MUC17: variants seen among roughly 807,000 people sequenced by gnomAD.
MUC17 encodes the protein mucin-17.
MUC17 carries 190 observed loss-of-function variants against 170.3 expected under a neutral mutation model. The observed-to-expected ratio is 1.12, with a 90% confidence interval of 0.99 to 1.26. The LOEUF (loss-of-function observed/expected upper bound fraction) is 1.26. MUC17 is among the 50% of genes most tolerant of loss of function. The probability of loss-of-function intolerance (pLI) is 0.00; values close to 1 mark genes in which losing one functional copy is unlikely to be tolerated. For missense variants in MUC17, 6,415 were observed against 5,530.0 expected (o/e 1.16, Z -5.08); for synonymous variants, 2,325 against 2,002.5 (o/e 1.16, Z -4.30).
intron 9 of MUC17, among the ~76,000 whole-genome samples, 162 bp from the exon 10 acceptor site, chr7:101,052,824 G>A (rs1794973231): frequency 6.6e-6 from 1 of 152,172 alleles, no homozygotes; most frequent in South Asian, 2.1e-4. Flanking sequence ...CAGGGATGCT[G>A]GTCTTCATCT....
intron 3 of MUC17, 103 bp downstream of exon 3, chr7:101,043,922 T>C (rs1794788219): frequency 6.2e-6 from 7 of 1,133,666 alleles, no homozygotes; most frequent in Middle Eastern, 4.1e-4. Context: ...ACGTGTGCCA[T>C]GTTGGTTTGC....
In MUC17 at chr7:101,033,517, G is replaced by T. The variant is rs572058292; in HGVS notation, c.2101G>T (p.Ala701Ser). Residue 701 changes from alanine (A) to serine (S), a missense_variant, in exon 3 of 13, where the codon GCC becomes TCC. Ala to Ser is a moderately conservative substitution (Grantham distance 99). Transcript: ENST00000306151. ...TSMPVNTTLV[A>S]SSEASTLSTT... ...TATGCCTGTCAACACCACACTGGTG[G>T]CCAGTTCTGAGGCTAGCACCCTTTC... 6.1e-5 allele frequency: 98 copies of T among 1,613,376 alleles called. No individual in the cohort carries two copies. In the South Asian group the frequency reaches 9.7e-4, roughly 16 times the overall value.
In MUC17 at chr7:101,043,505, C is replaced by A. The variant is rs558940244; in HGVS notation, c.12089C>A (p.Ala4030Glu). 16 of 1,614,220 alleles carry A rather than the reference C, an allele frequency of 9.9e-6. No homozygotes were observed. In the South Asian group the frequency reaches 1.5e-4, roughly 16 times the overall value. Residue 4030 changes from alanine (A) to glutamate (E), a missense_variant, in exon 3 of 13, where the codon GCA (alanine) becomes GAA (glutamate). Transcript: ENST00000306151. ...GCTTSASTLS[A>E]TSTPHTSTSV... ...ACTACTTCTGCATCAACGCTTTCTG[C>A]AACCAGTACACCTCACACCTCTACT...
In MUC17 at chr7:101,043,715, C is replaced by T; in HGVS notation, c.12299C>T (p.Thr4100Ile). The T allele has an allele frequency of 1.2e-6, 2 of 1,614,228 alleles. No individual in the cohort carries two copies. Among genetic ancestry groups the T allele is most frequent in the South Asian group, 1.1e-5 (1 of 91,084 alleles). ...TTMTTRTKPS[T>I]RTTSFPTVTT... ...ATGACCACCAGGACAAAACCCAGCA[C>T]ACGGACCACTTCCTTCCCCACGGTG... Residue 4100 changes from threonine (T) to isoleucine (I), a missense_variant, in exon 3 of 13, where the codon ACA (threonine) becomes ATA (isoleucine). Physicochemically the swap from Thr to Ile is moderately conservative, Grantham distance 89. Coordinates refer to ENST00000306151, the MANE Select transcript of MUC17 (RefSeq NM_001040105.2).
rs199804999 is a variant in MUC17 at position 101,038,820 on chromosome 7, G to C, written c.7404G>C (p.Val2468=). The change falls in exon 3 of 13, where the codon GTG becomes GTC. Residue 2468 remains valine (V), a synonymous_variant. Transcript: ENST00000306151. ...LASMPVSTTP[V]VSSEAGTLST... ...GTATGCCTGTCAGCACCACGCCGGT[G>C]GTCAGTTCTGAGGCTGGCACCCTTT... 1.9e-6 allele frequency: 3 copies of C among 1,612,528 alleles called. No individual in the cohort carries two copies. Among genetic ancestry groups the C allele is most frequent in the Admixed American group, 1.7e-5 (1 of 59,722 alleles).
chr7:101,045,124 C>T (rs921167675), intron 3 of MUC17, among the ~76,000 whole-genome samples: 2 of 152,120 alleles, frequency 1.3e-5, no homozygotes, highest in African/African-American at 4.8e-5. Context: ...TACTAATAGA[C>T]CTGTGAGTAT....
chr7:101,040,597 C>G lies in MUC17; in HGVS notation c.9181C>G (p.Pro3061Ala), dbSNP rs370113176. The G allele has an allele frequency of 2.5e-6, 4 of 1,595,418 alleles. No homozygotes were observed. The South Asian group carries it at 4.5e-5, about 18-fold the overall frequency. Residue 3061 changes from proline (P) to alanine (A), a missense_variant, in exon 3 of 13, where the codon CCT becomes GCT. Physicochemically the swap from Pro to Ala is conservative, Grantham distance 27. Transcript: ENST00000306151. ...IPVSTTPVAI[P>A]EASTLSTTPV... ...TGTCAGCACCACGCCAGTGGCCATT[C>G]CTGAGGCTAGCACCCTTTCAACAAC... is the stretch of plus-strand genomic sequence containing the variant.
At position 101,039,363 on chromosome 7, in the gene MUC17, G is replaced by A; in HGVS notation, c.7947G>A (p.Glu2649=). Residue 2649 remains glutamate (E), a synonymous_variant, in exon 3 of 13, where the codon GAG becomes GAA. Transcript: ENST00000306151. ...GCACCATGCCAGTGGCCAGTTCTGA[G>A]GCTAGCACCCTTTCAACAACTCCTG... is the stretch of plus-strand genomic sequence containing the variant. ...LVSTMPVASS[E]ASTLSTTPVD... is the part of the protein sequence containing the mutation. 1 of 1,612,632 alleles carries A rather than the reference G, an allele frequency of 6.2e-7. No homozygotes were observed. The highest frequency in any genetic ancestry group is 8.5e-7 in the Non-Finnish European group (1 of 1,179,340).
At chr7:101,021,778 C>T (rs188004349) in intron 1 of MUC17, among the ~76,000 whole-genome samples, 1 of 152,270 alleles carries the variant, frequency 6.6e-6, no homozygotes, top group Admixed American at 6.5e-5. Flanking sequence ...GCCTCTGACC[C>T]TTTCCATGTC....
intron 7 of MUC17, among the ~76,000 whole-genome samples, chr7:101,051,364 C>CA (rs398005597): frequency 0.18 from 9,530 of 51,848 alleles, 1,061 homozygotes; most frequent in East Asian, 0.26. Context: ...TACTCCATCT[C>CA]AAAAAAAAAA....
intron 11 of MUC17, among the ~76,000 whole-genome samples, chr7:101,053,762 C>T (rs1584878288): frequency 1.3e-5 from 2 of 151,624 alleles, no homozygotes; most frequent in East Asian, 3.9e-4. Flanking sequence ...TGCCTGTAAT[C>T]CCAGCTACTC....
rs1794480015 is a variant in MUC17, at chr7:101,036,406, A to G, written c.4990A>G (p.Thr1664Ala). ...TGTTGACTCCAACAGTCCTGTGATC[A>G]CTTCTACTGAAGTCAGTTCATCTCC... ...TPVDSNSPVITSTEVSSSPTP... is the reference protein window; with the variant it reads ...TPVDSNSPVIASTEVSSSPTP... The change falls in exon 3 of 13, where the codon ACT becomes GCT. Residue 1664 changes from threonine to alanine, a missense_variant. Transcript: ENST00000306151. 2.5e-6 allele frequency: 4 copies of G among 1,612,142 alleles called. No homozygotes were observed. In the Admixed American group the frequency reaches 5.0e-5, roughly 20 times the overall value.
In MUC17 at chr7:101,040,386, A is replaced by T. The variant is rs1202308093; in HGVS notation, c.8970A>T (p.Thr2990=). The T allele has an allele frequency of 6.2e-7, 1 of 1,611,526 alleles. No individual in the cohort carries two copies. The highest frequency in any genetic ancestry group is 1.7e-5 in the Admixed American group (1 of 59,556). ...STPGERRTPL[T]SMSVSTMPVA... is the part of the protein sequence containing the mutation. ...CTGGCGAAAGAAGAACTCCATTAACAAGTATGTCTGTCAGCACCATGCCGG... is the reference window on the plus strand; with the variant it reads ...CTGGCGAAAGAAGAACTCCATTAACTAGTATGTCTGTCAGCACCATGCCGG... The change falls in exon 3 of 13, where the codon ACA becomes ACT. Residue 2990 remains threonine, a synonymous_variant. Transcript: ENST00000306151.
At chr7:101,057,652 G>A (rs975568916) in intron 12 of MUC17, among the ~76,000 whole-genome samples, 2 of 152,188 alleles carry the variant, frequency 1.3e-5, no homozygotes, top group African/African-American at 4.8e-5. Context: ...GGTCGAAGTG[G>A]ATGGATTGCT....
rs1794483209 is a variant in MUC17, at chr7:101,036,479, GA to G, written c.5065del (p.Arg1689GlufsTer4). ...TSMPTSTYTE[G>X]RTPLTSITVR... ...ATGCCAACCTCAACTTATACTGAAG[GA>G]AGAACTCCTTTAACAAGTATAACTG... On this transcript the variant is annotated frameshift_variant, in exon 3 of 13. Transcript: ENST00000306151. LOFTEE classifies it high-confidence loss of function. 7.1e-7 allele frequency: 1 copy of G among 1,409,534 alleles called. No homozygotes were observed. The highest frequency in any genetic ancestry group is 9.7e-7 in the Non-Finnish European group (1 of 1,026,072). The allele number at this position is 1,409,534 out of a possible 1,614,324, so 87.3% of individuals were successfully genotyped here.
At chr7:101,047,849 G>A (rs147052630) in intron 3 of MUC17, 135 bp from the exon 4 acceptor site, 1 of 1,103,090 alleles carries the variant, frequency 9.1e-7, no homozygotes, top group African/African-American at 1.6e-5. Flanking sequence ...AAACAAATTA[G>A]ACAGTGTCCG....
intron 5 of MUC17, 105 bp from the exon 6 acceptor site, chr7:101,049,219 T>A: frequency 6.5e-7 from 1 of 1,529,636 alleles, no homozygotes; most frequent in Non-Finnish European, 9.0e-7. Flanking sequence ...GAGTGTGCTA[T>A]GATGCTGCGG....
In MUC17 at chr7:101,034,128, G is replaced by C. The variant is rs150735476; in HGVS notation, c.2712G>C (p.Ser904=). The C allele has an allele frequency of 2.7e-5, 43 of 1,567,462 alleles. No homozygotes were observed. In the Admixed American group the frequency reaches 7.7e-4, roughly 28 times the overall value. Residue 904 remains serine, a synonymous_variant, in exon 3 of 13, where the codon TCG becomes TCC. Coordinates refer to ENST00000306151, the MANE Select transcript of MUC17 (RefSeq NM_001040105.2). ...TPVTNSTEAR[S]SPTTSEGTSM... ...TGACCAATTCTACTGAAGCCCGTTC[G>C]TCTCCTACAACTTCTGAAGGTACCA...
chr7:101,049,741 A>G (rs911148494), intron 6 of MUC17, among the ~76,000 whole-genome samples: 7 of 152,104 alleles, frequency 4.6e-5, no homozygotes, highest in Admixed American at 4.6e-4. Flanking sequence ...GAGGGCCTAC[A>G]CTAATGACCT....
Sources: allele counts gnomAD v4.1 joint callset (sites outside exome capture counted in the v4.1 genomes callset), GRCh38; gene constraint gnomAD v4.1.1; transcripts MANE v1.5; gene names NCBI Gene and HGNC (gene_info 2026-07-23, HGNC 2026-07-21).